The following QSOX2 variants were observed in gnomAD, a reference collection of about 807,000 sequenced individuals.
QSOX2 encodes quiescin sulfhydryl oxidase 2.
Under a neutral mutation model 61.7 loss-of-function variants are expected in QSOX2, and 46 were observed. That is an observed-to-expected ratio of 0.75 (90% CI 0.59 to 0.95). QSOX2 has a LOEUF of 0.95. Ranked by LOEUF, QSOX2 falls within the 40% of genes least tolerant of loss-of-function variation. QSOX2 has a pLI of 0.00. For missense variants in QSOX2, 879 were observed against 918.9 expected (o/e 0.96, Z 0.56); for synonymous variants, 383 against 388.4 (o/e 0.99, Z 0.16).
Position 136,219,675 on chromosome 9 carries a change from T to G in QSOX2, c.822-511A>C, listed in dbSNP as rs1831958341. Among the ~76,000 whole-genome samples the G allele has an allele frequency of 1.3e-5, 2 of 152,162 alleles. 1 individual carries two copies. Among genetic ancestry groups the G allele is most frequent in the South Asian group, 4.1e-4 (2 of 4,824 alleles). ...GAGCCCCCTGTGTGCCCACGCTGTG[T>G]GGACAGGGTGGAGCTGCCTTCTGAG... is the stretch of plus-strand genomic sequence containing the variant. On this transcript the variant is annotated intron_variant, in intron 6 of 11. Transcript: ENST00000358701.
At chr9:136,225,303 A>G (rs943806473) in intron 2 of QSOX2, among the ~76,000 whole-genome samples, 1 of 152,252 alleles carries the variant, frequency 6.6e-6, no homozygotes, top group African/African-American at 2.4e-5. Context: ...GACACCACGC[A>G]GTATCTCTGA....
At chr9:136,219,346 GA>G (rs1010418988) in intron 6 of QSOX2, among the ~76,000 whole-genome samples, 182 bp from the exon 7 acceptor site, 24 of 152,324 alleles carry the variant, frequency 1.6e-4, no homozygotes, top group African/African-American at 5.8e-4. Context: ...CCACCTGGGG[GA>G]TAAGAGGAGA....
At position 136,223,971 on chromosome 9, in the gene QSOX2, G is replaced by A. The variant is rs774070716; in HGVS notation, c.584+36C>T. 3.1e-6 allele frequency: 5 copies of A among 1,588,876 alleles called. No homozygotes were observed. Among genetic ancestry groups the A allele is most frequent in the African/African-American group, 2.7e-5 (2 of 74,408 alleles). ...TTACGTTTCTTGCACAGTTCAACACGAGTCTAACGGCCGCCTTCTTCATGG... is the reference window on the plus strand; with the variant it reads ...TTACGTTTCTTGCACAGTTCAACACAAGTCTAACGGCCGCCTTCTTCATGG... On this transcript the variant is annotated intron_variant, in intron 4 of 11. Coordinates refer to ENST00000358701, the MANE Select transcript of QSOX2 (RefSeq NM_181701.4). The surrounding 1 kb of genome is among the most constrained non-coding windows in gnomAD (Gnocchi z 4.4).
chr9:136,245,408 G>C lies in QSOX2; in HGVS notation c.328+68C>G, dbSNP rs1187083619. The C allele has an allele frequency of 6.6e-5, 92 of 1,387,974 alleles. 1 individual carries two copies. The South Asian group carries it at 1.1e-3, about 17-fold the overall frequency. The allele number at this position is 1,387,974 out of a possible 1,614,324, so 86.0% of individuals were successfully genotyped here. A position where few individuals can be genotyped will look rare whatever the true frequency, so the allele number is the denominator to read the frequency against. The stretch of plus-strand genomic sequence containing the variant: ...GCCCCGGGACCCGCCTTCTGGGGCG[G>C]TCGCAAGGGGTCCCGGAAGGCCGCG... On this transcript the variant is annotated intron_variant, in intron 1 of 11. Coordinates refer to ENST00000358701, the MANE Select transcript of QSOX2 (RefSeq NM_181701.4).
chr9:136,233,168 C>T (rs1164002962), intron 1 of QSOX2, among the ~76,000 whole-genome samples: 2 of 152,092 alleles, frequency 1.3e-5, no homozygotes, highest in Admixed American at 6.6e-5. Flanking sequence ...CCCTGAGCCT[C>T]GAACAAGAAA....
chr9:136,206,407 T>C lies in QSOX2; in HGVS notation c.*2321A>G, dbSNP rs994776213. ...CTTAAATACAAAATGTTCACTTTCC[T>C]TGCAGGTAAGAAATTTCACTGACAT... On this transcript the variant is annotated 3_prime_UTR_variant, in exon 12 of 12. Coordinates refer to ENST00000358701, the MANE Select transcript of QSOX2 (RefSeq NM_181701.4). 6.5e-5 allele frequency: 10 copies of C among 152,678 alleles called. No homozygotes were observed. Among genetic ancestry groups the C allele is most frequent in the African/African-American group, 2.4e-4 (10 of 41,464 alleles). The allele number at this position is 152,678 out of a possible 1,614,324, so 9.5% of individuals were successfully genotyped here. A position where few individuals can be genotyped will look rare whatever the true frequency, so the allele number is the denominator to read the frequency against.
Position 136,209,661 on chromosome 9 carries a change from C to T in QSOX2, c.1550-386G>A. 4.1e-6 allele frequency: 4 copies of T among 985,200 alleles called. No homozygotes were observed. The highest frequency in any genetic ancestry group is 4.8e-6 in the Non-Finnish European group (4 of 829,852). 61.0% of individuals were successfully genotyped at this position (985,200 alleles called of 1,614,324 possible). On this transcript the variant is annotated intron_variant, in intron 11 of 11. Coordinates refer to ENST00000358701, the MANE Select transcript of QSOX2 (RefSeq NM_181701.4). The surrounding 1 kb of genome is among the most constrained non-coding windows in gnomAD (Gnocchi z 5.6). ...CACAGTGCTGCCTGTGTGCCCCTCCCCCCACTGCTGCCCCTCTGCCCTTTC... is the reference window on the plus strand; with the variant it reads ...CACAGTGCTGCCTGTGTGCCCCTCCTCCCACTGCTGCCCCTCTGCCCTTTC...
In QSOX2 at chr9:136,218,731, A is replaced by G; in HGVS notation, c.1034T>C (p.Leu345Pro). 6.2e-7 allele frequency: 1 copy of G among 1,613,762 alleles called. No individual in the cohort carries two copies. Among genetic ancestry groups the G allele is most frequent in the Non-Finnish European group, 8.5e-7 (1 of 1,180,024 alleles). Residue 345 changes from leucine (L) to proline (P), a missense_variant, in exon 8 of 12, where the codon CTG becomes CCG. Physicochemically the swap from Leu to Pro is moderately conservative, Grantham distance 98. Coordinates refer to ENST00000358701, the MANE Select transcript of QSOX2 (RefSeq NM_181701.4). ...LRVELAAHKSLAGAELKTLKD... is the reference protein window; with the variant it reads ...LRVELAAHKSPAGAELKTLKD... ...GAGCGTCTTCAGCTCTGCTCCGGCC[A>G]GGGACTTGTGGGCTGCCAGCTCCAC...
rs57888524 is a variant in QSOX2 at position 136,229,751 on chromosome 9, C to A, written c.329-2877G>T. On this transcript the variant is annotated intron_variant, in intron 1 of 11. Coordinates refer to ENST00000358701, the MANE Select transcript of QSOX2 (RefSeq NM_181701.4). Reference sequence around the variant, plus strand: ...CTCAGATTTGTCTTAGGGCATGTTACCTACACAAACAAACACACAGCACAT... The same window carrying A: ...CTCAGATTTGTCTTAGGGCATGTTAACTACACAAACAAACACACAGCACAT... Among the ~76,000 whole-genome samples the A allele has an allele frequency of 2.6e-3, 389 of 152,316 alleles. 1 individual carries two copies. Among genetic ancestry groups the A allele is most frequent in the African/African-American group, 5.7e-3 (238 of 41,560 alleles).
At chr9:136,225,432 G>A (rs1193287089) in intron 2 of QSOX2, among the ~76,000 whole-genome samples, 1 of 152,226 alleles carries the variant, frequency 6.6e-6, no homozygotes, top group African/African-American at 2.4e-5. Context: ...AAAAGCACTG[G>A]CCAGCTAAGA....
At position 136,223,912 on chromosome 9, in the gene QSOX2, C is replaced by T. The variant is rs745820044; in HGVS notation, c.585-59G>A. 370 of 1,561,936 alleles carry T rather than the reference C, an allele frequency of 2.4e-4. 1 individual carries two copies. Among genetic ancestry groups the T allele is most frequent in the Non-Finnish European group, 2.9e-4 (325 of 1,133,172 alleles). On this transcript the variant is annotated intron_variant, in intron 4 of 11. Coordinates refer to ENST00000358701, the MANE Select transcript of QSOX2 (RefSeq NM_181701.4). This position sits in a 1 kb window ranked among gnomAD's most constrained non-coding sequence, Gnocchi z 4.4. ...GTCAACAGCAGCGAGTTGGCCACCA[C>T]ATCCCAGTGGCCACATCACTTAATA... is the stretch of plus-strand genomic sequence containing the variant.
chr9:136,215,861 C>A lies in QSOX2; in HGVS notation c.1210-557G>T, dbSNP rs73668094. On this transcript the variant is annotated intron_variant, in intron 9 of 11. Transcript: ENST00000358701. ...GACTCCTGAGCCCAGGACGTGCTCT[C>A]GAGGGAGATGTCACACGTCGCAGTC... Among the ~76,000 whole-genome samples the A allele has an allele frequency of 5.6e-3, 856 of 152,296 alleles. 7 individuals are homozygous for A. Among genetic ancestry groups the A allele is most frequent in the African/African-American group, 0.02 (810 of 41,538 alleles).
In QSOX2 at chr9:136,219,182, G is replaced by C; in HGVS notation, c.822-18C>G. ...GCTTCACGCTGTGAGAGAGGGGAGGGCAAAGGTGAGAAGAGCCTCCTTTAT... is the reference window on the plus strand; with the variant it reads ...GCTTCACGCTGTGAGAGAGGGGAGGCCAAAGGTGAGAAGAGCCTCCTTTAT... On this transcript the variant is annotated intron_variant, in intron 6 of 11. Coordinates refer to ENST00000358701, the MANE Select transcript of QSOX2 (RefSeq NM_181701.4). The C allele has an allele frequency of 6.2e-7, 1 of 1,609,286 alleles. No homozygotes were observed.
At chr9:136,210,336 G>A (rs1238922865) in intron 11 of QSOX2, 2 of 985,358 alleles carry the variant, frequency 2.0e-6, no homozygotes, top group Admixed American at 6.1e-5. Flanking sequence ...TGGGCTGTAA[G>A]GCCCCTTTCT....
intron 1 of QSOX2, among the ~76,000 whole-genome samples, chr9:136,240,454 T>G (rs7021398): frequency 6.6e-6 from 1 of 152,176 alleles, no homozygotes; most frequent in East Asian, 1.9e-4. Flanking sequence ...ACTAGGGAGC[T>G]GTGTTTAAGG....
chr9:136,211,194 G>T, intron 11 of QSOX2, 70 bp downstream of exon 11: 3 of 1,521,962 alleles, frequency 2.0e-6, no homozygotes, highest in South Asian at 1.2e-5. Flanking sequence ...CAGCCGTGCC[G>T]TCCTTGCTGT....
At chr9:136,210,408 G>C in intron 11 of QSOX2, 4 of 985,474 alleles carry the variant, frequency 4.1e-6, no homozygotes, top group Non-Finnish European at 4.8e-6. Flanking sequence ...GGTAGCAGCA[G>C]GGGCTCCAGG....
chr9:136,207,364 TACAC>T lies in QSOX2; in HGVS notation c.*1360_*1363del, dbSNP rs58474709. The T allele has an allele frequency of 0.35, 50,468 of 144,882 alleles. 9,154 individuals are homozygous for T. The highest frequency in any genetic ancestry group is 0.52 in the East Asian group (2,643 of 5,082). 9.0% of individuals were successfully genotyped at this position (144,882 alleles called of 1,614,324 possible). A position where few individuals can be genotyped will look rare whatever the true frequency, so the allele number is the denominator to read the frequency against. ...ACCGTCAAAGTCTCTCTCTCTCTCATACACACACACACACACACACACACACACA... is the reference window on the plus strand; with the variant it reads ...ACCGTCAAAGTCTCTCTCTCTCTCATACACACACACACACACACACACACA... On this transcript the variant is annotated 3_prime_UTR_variant, in exon 12 of 12. Coordinates refer to ENST00000358701, the MANE Select transcript of QSOX2 (RefSeq NM_181701.4).
chr9:136,222,754 C>T lies in QSOX2; in HGVS notation c.676-813G>A, dbSNP rs10118677. On this transcript the variant is annotated intron_variant, in intron 5 of 11. Transcript: ENST00000358701. The surrounding 1 kb of genome is among the most constrained non-coding windows in gnomAD (Gnocchi z 6.9). ...TGCCAGGCAGGTAGGGGAGCGTGCC[C>T]GGCACCAAGACGGTCCCACACCCGC... is the stretch of plus-strand genomic sequence containing the variant. 7.8e-3 allele frequency among the ~76,000 whole-genome samples: 1,187 copies of T among 152,292 alleles called. 11 individuals are homozygous for T. Among genetic ancestry groups the T allele is most frequent in the African/African-American group, 0.025 (1,033 of 41,550 alleles).
Sources: gnomAD v4.1 joint callset for allele counts (sites outside exome capture counted in the v4.1 genomes callset) on GRCh38, gnomAD v4.1.1 for gene constraint, Gnocchi (gnomAD v3.1) non-coding constraint, MANE v1.5 for transcripts, NCBI Gene and HGNC (gene_info 2026-07-23, HGNC 2026-07-21) for gene names.